EEF1AKMT2: variants seen among roughly 807,000 people sequenced by gnomAD.
EEF1AKMT2 encodes eukaryotic translation elongation factor 1 alpha lysine methyltransferase 2.
A neutral mutation model predicts 35.8 loss-of-function variants in EEF1AKMT2; 32 were observed. That is an observed-to-expected ratio of 0.89 (90% CI 0.67 to 1.20). EEF1AKMT2 has a LOEUF of 1.20. Ranked by LOEUF, EEF1AKMT2 falls within the 50% of genes most tolerant of loss-of-function variation. The probability of loss-of-function intolerance (pLI) is 0.00; values close to 1 mark genes in which losing one functional copy is unlikely to be tolerated. For synonymous variants in EEF1AKMT2, 121 were observed against 133.7 expected (o/e 0.91, Z 0.65); for missense variants, 330 against 347.5 (o/e 0.95, Z 0.40).
rs1950638319 is a variant in EEF1AKMT2, at chr10:124,791,800, C to G, written c.34G>C (p.Ala12Pro). 1 of 1,589,560 alleles carries G rather than the reference C, an allele frequency of 6.3e-7. No individual in the cohort carries two copies. Among genetic ancestry groups the G allele is most frequent in the Admixed American group, 1.7e-5 (1 of 58,670 alleles). ...SSGADGGGGA[A>P]VAARSDKGSP... ...CCCTTGTCCGACCGCGCCGCCACCG[C>G]AGCGCCACCGCCGCCGTCAGCGCCC... Residue 12 changes from alanine to proline, a missense_variant, in exon 1 of 7, where the codon GCG becomes CCG. By Grantham distance (27) the Ala-to-Pro change is conservative (BLOSUM62 -1). Transcript: ENST00000368836.
Position 124,791,745 on chromosome 10 carries a change from G to T in EEF1AKMT2, c.89C>A (p.Ser30Ter). 1 of 1,592,054 alleles carries T rather than the reference G, an allele frequency of 6.3e-7. No homozygotes were observed. ...TCACTGCTCGCGGGTCCCCAGCGCC[G>T]ACGGGACGAAACCGTCCTCCCCGGG... is the stretch of plus-strand genomic sequence containing the variant. Reference protein sequence around the residue: ...GSPGEDGFVPSALGTREHWDA... With the variant: ...GSPGEDGFVP Residue 30 changes from serine to a stop codon, truncating the protein, a stop_gained, in exon 1 of 7, where the codon TCG becomes TAG. Coordinates refer to ENST00000368836, the MANE Select transcript of EEF1AKMT2 (RefSeq NM_212554.4). LOFTEE classifies it high-confidence loss of function.
chr10:124,774,398 A>AG (rs1950469761), intron 4 of EEF1AKMT2, among the ~76,000 whole-genome samples: 2 of 148,024 alleles, frequency 1.4e-5, no homozygotes, highest in Admixed American at 1.3e-4. Context: ...AAAAAAAAAA[A>AG]AAAAAAAAAA....
rs570995627 is a variant in EEF1AKMT2, at chr10:124,782,354, G to A, written c.291+6689C>T. ...TCCCAGCACTTTGGGAGGCCGAGGC[G>A]GGAGGATCACGAGGTCAGGAGATCG... On this transcript the variant is annotated intron_variant, in intron 3 of 6. Coordinates refer to ENST00000368836, the MANE Select transcript of EEF1AKMT2 (RefSeq NM_212554.4). Among the ~76,000 whole-genome samples, 1,173 of 151,938 alleles carry A rather than the reference G, an allele frequency of 7.7e-3. 18 individuals carry two copies. The highest frequency in any genetic ancestry group is 0.027 in the African/African-American group (1,137 of 41,432).
chr10:124,764,676 C>A (rs1950361874), intron 5 of EEF1AKMT2, among the ~76,000 whole-genome samples: 1 of 152,200 alleles, frequency 6.6e-6, no homozygotes, highest in Non-Finnish European at 1.5e-5. Context: ...TCTATCATCT[C>A]TGAAGACCTA....
chr10:124,788,640 A>G (rs4962699), intron 3 of EEF1AKMT2, among the ~76,000 whole-genome samples: 108,045 of 146,718 alleles, frequency 0.74, 39,969 homozygotes, highest in South Asian at 0.85. Context: ...GACAAAATGC[A>G]CTTTTCAAAC....
At chr10:124,757,641 ATAAG>A (rs1007411188), downstream of EEF1AKMT2, among the ~76,000 whole-genome samples, 30 of 152,282 alleles carry the variant, frequency 2.0e-4, no homozygotes, top group African/African-American at 2.4e-4. Context: ...AAATTTTAAA[ATAAG>A]TAAGTCCACT....
chr10:124,786,096 A>G (rs1419305194), intron 3 of EEF1AKMT2, among the ~76,000 whole-genome samples: 2 of 152,148 alleles, frequency 1.3e-5, no homozygotes, highest in Non-Finnish European at 2.9e-5. Flanking sequence ...GGGAGGGGCC[A>G]CAAGGAAGCT....
Position 124,791,750 on chromosome 10 carries a change from G to A in EEF1AKMT2, c.84C>T (p.Val28=), listed in dbSNP as rs761759176. ...GCTCGCGGGTCCCCAGCGCCGACGGGACGAAACCGTCCTCCCCGGGACTGC... is the reference window on the plus strand; with the variant it reads ...GCTCGCGGGTCCCCAGCGCCGACGGAACGAAACCGTCCTCCCCGGGACTGC... ...DKGSPGEDGF[V]PSALGTREHW... is the part of the protein sequence containing the mutation. Residue 28 remains valine, a synonymous_variant, in exon 1 of 7, where the codon GTC becomes GTT. Transcript: ENST00000368836. The A allele has an allele frequency of 3.8e-6, 6 of 1,593,570 alleles. No homozygotes were observed. In the East Asian group the frequency reaches 9.1e-5, roughly 24 times the overall value.
At chr10:124,782,560 C>A (rs1388369334) in intron 3 of EEF1AKMT2, among the ~76,000 whole-genome samples, 1 of 116,962 alleles carries the variant, frequency 8.5e-6, no homozygotes, top group African/African-American at 3.3e-5. Flanking sequence ...CCAGCCTGGG[C>A]GACAGAGCGA....
Position 124,791,876 on chromosome 10 carries a change from C to CG in EEF1AKMT2, c.-44dup, listed in dbSNP as rs1161526214. 4 of 1,531,582 alleles carry CG rather than the reference C, an allele frequency of 2.6e-6. No homozygotes were observed. Among genetic ancestry groups the CG allele is most frequent in the Non-Finnish European group, 3.5e-6 (4 of 1,144,726 alleles). The allele number at this position is 1,531,582 out of a possible 1,614,324, so 94.9% of individuals were successfully genotyped here. A position where few individuals can be genotyped will look rare whatever the true frequency, so the allele number is the denominator to read the frequency against. On this transcript the variant is annotated 5_prime_UTR_variant, in exon 1 of 7. Coordinates refer to ENST00000368836, the MANE Select transcript of EEF1AKMT2 (RefSeq NM_212554.4). ...ACGGCCGTTGGGGCCGCCATAGAGA[C>CG]GGGGCACAGGCAGAGCGGACGAGCG...
chr10:124,761,389 T>TA (rs1176019950), intron 6 of EEF1AKMT2, among the ~76,000 whole-genome samples: 1 of 149,436 alleles, frequency 6.7e-6, no homozygotes. Context: ...AGTATACACT[T>TA]AAAAATGGTT....
chr10:124,769,248 A>ATATATATGTGTG lies in EEF1AKMT2; in HGVS notation c.400-3641_400-3640insCACACATATATA, dbSNP rs60863408. 3.4e-3 allele frequency among the ~76,000 whole-genome samples: 214 copies of ATATATATGTGTG among 63,812 alleles called. 3 individuals carry two copies. Among genetic ancestry groups the ATATATATGTGTG allele is most frequent in the East Asian group, 5.3e-3 (10 of 1,894 alleles). 41.9% of individuals were successfully genotyped at this position (63,812 alleles called of 152,430 possible). A position where few individuals can be genotyped will look rare whatever the true frequency, so the allele number is the denominator to read the frequency against. On this transcript the variant is annotated intron_variant, in intron 4 of 6. Transcript: ENST00000368836. Reference sequence around the variant, plus strand: ...AAAAAAAAAAAATATATATATATATATGTGTGTATAAATAAAACGAACAGA... The same window carrying ATATATATGTGTG: ...AAAAAAAAAAAATATATATATATATATATATATGTGTGTGTGTGTATAAATAAAACGAACAGA...
intron 4 of EEF1AKMT2, among the ~76,000 whole-genome samples, chr10:124,773,719 A>G (rs1042513860): frequency 2.0e-5 from 3 of 152,202 alleles, no homozygotes; most frequent in Non-Finnish European, 4.4e-5. Flanking sequence ...TTACAATAGT[A>G]ATATCAAAGA....
intron 3 of EEF1AKMT2, among the ~76,000 whole-genome samples, chr10:124,780,645 A>G (rs983984774): frequency 6.6e-6 from 1 of 152,056 alleles, no homozygotes; most frequent in Non-Finnish European, 1.5e-5. Context: ...ATGTGTATAG[A>G]CTCCCAAAAT....
At chr10:124,756,429 T>C (rs906301641), downstream of EEF1AKMT2, among the ~76,000 whole-genome samples, 20 of 152,224 alleles carry the variant, frequency 1.3e-4, no homozygotes, top group African/African-American at 4.6e-4. Context: ...AAAAGCAGGA[T>C]AGGATATTGA....
At chr10:124,773,904 T>C (rs1950462107) in intron 4 of EEF1AKMT2, among the ~76,000 whole-genome samples, 1 of 151,984 alleles carries the variant, frequency 6.6e-6, no homozygotes, top group Admixed American at 6.6e-5. Context: ...TCAAAAAACA[T>C]ACCATTTGGG....
At chr10:124,779,286 G>A (rs534743527) in intron 3 of EEF1AKMT2, among the ~76,000 whole-genome samples, 4 of 152,030 alleles carry the variant, frequency 2.6e-5, no homozygotes, top group Non-Finnish European at 5.9e-5. Context: ...GACACACCAC[G>A]ACACCTGGCT....
intron 4 of EEF1AKMT2, among the ~76,000 whole-genome samples, chr10:124,773,415 G>A (rs1170567992): frequency 6.6e-6 from 1 of 152,036 alleles, no homozygotes; most frequent in African/African-American, 2.4e-5. Context: ...TACTTTTGGT[G>A]GAGATATGGT....
downstream of EEF1AKMT2, chr10:124,757,762 C>T (rs942261864): frequency 1.3e-5 from 2 of 151,398 alleles, no homozygotes; most frequent in Non-Finnish European, 2.9e-5. Context: ...TGCATGCGTA[C>T]CACAGATGAA....
Sources: allele counts gnomAD v4.1 joint callset (sites outside exome capture counted in the v4.1 genomes callset), GRCh38; gene constraint gnomAD v4.1.1; transcripts MANE v1.5; gene names NCBI Gene and HGNC (gene_info 2026-07-23, HGNC 2026-07-21).